Variants in ZNF500 observed in about 807,000 individuals in gnomAD.
The protein encoded by ZNF500 is zinc finger protein with KRAB and SCAN domains 18.
In ZNF500, 31 loss-of-function variants were observed where a neutral mutation model predicts 30.1. The ratio of observed to expected loss-of-function variants is 1.03; its 90% CI spans 0.77 to 1.39. The LOEUF (loss-of-function observed/expected upper bound fraction) is 1.39, where lower values mean the gene tolerates loss of function less well. Among genes scored for constraint, ZNF500 ranks in the 40% most tolerant of loss-of-function variants. The pLI, the probability that ZNF500 is intolerant of heterozygous loss-of-function variation, is 0.00. For synonymous variants in ZNF500, 392 were observed against 282.0 expected (o/e 1.39, Z -3.91); for missense variants, 817 against 657.8 (o/e 1.24, Z -2.65).
rs569048448 is a variant in ZNF500, at chr16:4,763,014, T to C, written c.415-258A>G. Reference sequence around the variant, plus strand: ...ACCCTCTATTCCTTGGTCCTCCTGATAGACCCTGGGATAGACCCTGGGCCA... The same window carrying C: ...ACCCTCTATTCCTTGGTCCTCCTGACAGACCCTGGGATAGACCCTGGGCCA... On this transcript the variant is annotated intron_variant, in intron 2 of 5. Transcript: ENST00000219478. 1.0e-5 allele frequency: 10 copies of C among 985,426 alleles called. No individual in the cohort carries two copies. The East Asian group carries it at 7.9e-4, about 78-fold the overall frequency. 61.0% of individuals were successfully genotyped at this position (985,426 alleles called of 1,614,324 possible). A position where few individuals can be genotyped will look rare whatever the true frequency, so the allele number is the denominator to read the frequency against.
At chr16:4,746,649 G>C, downstream of ZNF500, 1 of 1,232,816 alleles carries the variant, frequency 8.1e-7, no homozygotes, top group Non-Finnish European at 1.1e-6. Context: ...ATTGAAAAGT[G>C]CTGGCCTACA....
At chr16:4,764,735 T>C (rs2082244070) in intron 2 of ZNF500, among the ~76,000 whole-genome samples, 1 of 148,392 alleles carries the variant, frequency 6.7e-6, no homozygotes, top group African/African-American at 2.5e-5. Flanking sequence ...TGAGCCGAGA[T>C]TGCGCCACTG....
intron 1 of ZNF500, among the ~76,000 whole-genome samples, chr16:4,766,472 T>G (rs2141853122): frequency 6.6e-6 from 1 of 151,996 alleles, no homozygotes; most frequent in Middle Eastern, 3.4e-3. Flanking sequence ...ATACAAAAAT[T>G]AGCCCGACAT....
chr16:4,747,635 G>A (rs558793296), downstream of ZNF500: 107 of 1,596,072 alleles, frequency 6.7e-5, no homozygotes, highest in South Asian at 1.1e-3. Flanking sequence ...GCTGCCTCAG[G>A]TAGTGGGATC....
At position 4,762,753 on chromosome 16, in the gene ZNF500, A is replaced by G. The variant is rs142907580; in HGVS notation, c.418T>C (p.Ser140Pro). The G allele has an allele frequency of 1.4e-5, 23 of 1,600,062 alleles. No homozygotes were observed. The highest frequency in any genetic ancestry group is 3.4e-5 in the Admixed American group (2 of 59,354). ...RKPRKHRQRG[S>P]ELLSDDEVPL... is the part of the protein sequence containing the mutation. ...ACCTCGTCATCAGAAAGCAGCTCTGAGCCCTGCACACAGACAGTGATCTCC... is the reference window on the plus strand; with the variant it reads ...ACCTCGTCATCAGAAAGCAGCTCTGGGCCCTGCACACAGACAGTGATCTCC... Residue 140 changes from serine (S) to proline (P), a missense_variant, in exon 3 of 6, where the codon TCA becomes CCA. By Grantham distance (74) the Ser-to-Pro change is moderately conservative. Coordinates refer to ENST00000219478, the MANE Select transcript of ZNF500 (RefSeq NM_021646.4).
chr16:4,754,235 A>G (rs1180655553), intron 5 of ZNF500, among the ~76,000 whole-genome samples: 3 of 152,112 alleles, frequency 2.0e-5, no homozygotes, highest in Non-Finnish European at 4.4e-5. Flanking sequence ...GGAAATGTCC[A>G]CTTTAAGACA....
intron 5 of ZNF500, among the ~76,000 whole-genome samples, chr16:4,758,790 C>G (rs1193612210): frequency 6.6e-6 from 1 of 152,172 alleles, no homozygotes; most frequent in Non-Finnish European, 1.5e-5. Flanking sequence ...CATACAACAT[C>G]ATCTAAAACT....
chr16:4,755,522 G>A (rs2082126941), intron 5 of ZNF500, among the ~76,000 whole-genome samples: 1 of 152,142 alleles, frequency 6.6e-6, no homozygotes, highest in East Asian at 1.9e-4. Context: ...TCACCATGTT[G>A]GCCAGGCTGG....
At position 4,749,198 on chromosome 16, in the gene ZNF500, G is replaced by C. The variant is rs1323428936; in HGVS notation, c.*3178C>G. The C allele has an allele frequency of 2.6e-5, 4 of 154,526 alleles. No individual in the cohort carries two copies. Among genetic ancestry groups the C allele is most frequent in the African/African-American group, 7.2e-5 (3 of 41,544 alleles). The allele number at this position is 154,526 out of a possible 1,614,324, so 9.6% of individuals were successfully genotyped here. On this transcript the variant is annotated 3_prime_UTR_variant, in exon 6 of 6. Transcript: ENST00000219478. ...CCCTGCCCCCTCCACTCCGGGGCCT[G>C]TGCCGCCAGAACCGGGCTCTGCCCC...
chr16:4,762,410 C>A, intron 3 of ZNF500, 75 bp from the exon 4 acceptor site: 1 of 1,530,936 alleles, frequency 6.5e-7, no homozygotes, highest in Non-Finnish European at 8.8e-7. Context: ...CACACCAAGG[C>A]CCCAACAGCC....
downstream of ZNF500, chr16:4,747,255 C>T (rs1168361426): frequency 9.0e-6 from 13 of 1,439,650 alleles, no homozygotes; most frequent in African/African-American, 1.9e-4. Context: ...GGGAGCTGGG[C>T]TCATCTGCTT....
intron 5 of ZNF500, among the ~76,000 whole-genome samples, chr16:4,754,708 G>A (rs981265851): frequency 6.6e-5 from 10 of 151,742 alleles, no homozygotes; most frequent in Non-Finnish European, 1.3e-4. Flanking sequence ...AAAACTGAGA[G>A]GAGGATTGGA....
intron 4 of ZNF500, 148 bp downstream of exon 4, chr16:4,762,123 G>C: frequency 2.2e-6 from 2 of 904,818 alleles, no homozygotes; most frequent in Non-Finnish European, 3.5e-6. Flanking sequence ...CTCCAGGGTT[G>C]GGGCAAAGGG....
At chr16:4,762,936 C>T in intron 2 of ZNF500, 180 bp from the exon 3 acceptor site, 1 of 985,408 alleles carries the variant, frequency 1.0e-6, no homozygotes, top group Non-Finnish European at 1.2e-6. Flanking sequence ...TCCCAGCCTG[C>T]TCTACTCCAT....
intron 5 of ZNF500, among the ~76,000 whole-genome samples, 192 bp downstream of exon 5, chr16:4,760,299 TG>T (rs1483178079): frequency 3.9e-5 from 6 of 152,076 alleles, no homozygotes; most frequent in Non-Finnish European, 5.9e-5. Flanking sequence ...AAGGCAGTGC[TG>T]GGCATCTGCC....
chr16:4,746,199 TA>T, downstream of ZNF500: 2 of 638,586 alleles, frequency 3.1e-6, no homozygotes, highest in Non-Finnish European at 5.1e-6. Flanking sequence ...AGTGGTGGCC[TA>T]AATCTCGCAT....
In ZNF500 at chr16:4,765,880, C is replaced by A. The variant is rs146229962; in HGVS notation, c.99G>T (p.Leu33Phe). The A allele has an allele frequency of 3.7e-6, 6 of 1,613,510 alleles. No individual in the cohort carries two copies. Among genetic ancestry groups the A allele is most frequent in the Non-Finnish European group, 5.1e-6 (6 of 1,179,998 alleles). The change falls in exon 2 of 6, where the codon TTG becomes TTT. Residue 33 changes from leucine (L) to phenylalanine (F), a missense_variant. By Grantham distance (22) the Leu-to-Phe change is conservative. Transcript: ENST00000219478. ...LIVKVEEDFC[L>F]EEEPSVETED... ...CCGTCTCCACGGAGGGCTCCTCTTC[C>A]AAGCAGAAGTCCTCCTCCACCTTCA...
downstream of ZNF500, chr16:4,747,173 C>A: frequency 8.3e-7 from 1 of 1,200,604 alleles, no homozygotes; most frequent in Non-Finnish European, 1.2e-6. Context: ...TTTCATCATC[C>A]TGCCCACGTC....
downstream of ZNF500, chr16:4,746,454 C>G (rs779763562): frequency 6.2e-7 from 1 of 1,613,784 alleles, no homozygotes; most frequent in Non-Finnish European, 8.5e-7. Context: ...CGCAGAGTCC[C>G]CCACCATCTT....
Sources: gnomAD v4.1 joint callset for allele counts (sites outside exome capture counted in the v4.1 genomes callset) on GRCh38, gnomAD v4.1.1 for gene constraint, MANE v1.5 for transcripts, NCBI Gene and HGNC (gene_info 2026-07-23, HGNC 2026-07-21) for gene names.